Variants in SETX observed in about 807,000 individuals in gnomAD.
SETX encodes helicase senataxin.
In SETX, 90 loss-of-function variants were observed where a neutral mutation model predicts 227.2. The ratio of observed to expected loss-of-function variants is 0.40; its 90% CI spans 0.33 to 0.47. The LOEUF (loss-of-function observed/expected upper bound fraction) is 0.47, where lower values mean the gene tolerates loss of function less well. Ranked by LOEUF, SETX falls within the 20% of genes least tolerant of loss-of-function variation. The pLI is 0.91. For missense variants in SETX, 3,052 were observed against 3,181.5 expected (o/e 0.96, Z 0.98); for synonymous variants, 1,210 against 1,113.2 (o/e 1.09, Z -1.73).
At chr9:132,337,877 A>G (rs895656687) in intron 5 of SETX, among the ~76,000 whole-genome samples, 1 of 152,176 alleles carries the variant, frequency 6.6e-6, no homozygotes, top group African/African-American at 2.4e-5. Context: ...GTATCTAAAC[A>G]ATAGAAATTA....
intron 14 of SETX, among the ~76,000 whole-genome samples, chr9:132,296,350 C>T (rs1422972287): frequency 3.3e-5 from 5 of 152,078 alleles, no homozygotes; most frequent in African/African-American, 9.7e-5. Flanking sequence ...GTCAGGAGCT[C>T]GAGACCAGCC....
chr9:132,319,397 A>T (rs1387683806), intron 10 of SETX, among the ~76,000 whole-genome samples: 1 of 152,222 alleles, frequency 6.6e-6, no homozygotes, highest in South Asian at 2.1e-4. Context: ...TGACCAACCA[A>T]ATAAAAATCT....
chr9:132,332,023 T>C (rs1847268293), intron 7 of SETX, among the ~76,000 whole-genome samples: 1 of 152,234 alleles, frequency 6.6e-6, no homozygotes, highest in Non-Finnish European at 1.5e-5. Context: ...CATCCATCTG[T>C]ATCTCAACAT....
chr9:132,264,505 G>A lies in SETX; in HGVS notation c.7768C>T (p.Pro2590Ser), dbSNP rs1842535596. Residue 2590 changes from proline to serine, a missense_variant, in exon 26 of 26, where the codon CCC becomes TCC. By Grantham distance (74) the Pro-to-Ser change is moderately conservative. Around this residue, in one of 10 missense-constraint regions of SETX, gnomAD observed 294 missense variants for 278.8 expected, o/e 1.05. Coordinates refer to ENST00000224140, the MANE Select transcript of SETX (RefSeq NM_015046.7). ...VHQDLSHIQQPAAVVAALSSH... is the reference protein window; with the variant it reads ...VHQDLSHIQQSAAVVAALSSH... The stretch of plus-strand genomic sequence containing the variant: ...CTCAGAGCAGCCACTACAGCAGCGG[G>A]CTGCTGTATATGGCTCAGGTCCTGG... 3.1e-6 allele frequency: 5 copies of A among 1,613,876 alleles called. No homozygotes were observed. Among genetic ancestry groups the A allele is most frequent in the Non-Finnish European group, 4.2e-6 (5 of 1,179,936 alleles).
At chr9:132,269,737 G>A (rs1288520532) in intron 24 of SETX, 35 bp from the exon 25 acceptor site, 2 of 1,602,824 alleles carry the variant, frequency 1.2e-6, no homozygotes, top group South Asian at 2.2e-5. Context: ...TCTTTGTCTA[G>A]AATGACTTAA....
intron 14 of SETX, 93 bp downstream of exon 14, chr9:132,296,794 T>C: frequency 7.1e-6 from 8 of 1,124,824 alleles, no homozygotes; most frequent in Non-Finnish European, 1.1e-5. Context: ...AAAGAGGAAA[T>C]GGCATGTTAA....
At chr9:132,292,121 C>T (rs1046769128) in intron 15 of SETX, among the ~76,000 whole-genome samples, 3 of 152,046 alleles carry the variant, frequency 2.0e-5, no homozygotes, top group Non-Finnish European at 4.4e-5. Flanking sequence ...GCCTGTGTCA[C>T]ATGTGCATTT....
chr9:132,282,311 T>C (rs1382555496), intron 19 of SETX, among the ~76,000 whole-genome samples: 1 of 151,246 alleles, frequency 6.6e-6, no homozygotes, highest in Non-Finnish European at 1.5e-5. Context: ...TTTTTTTTTT[T>C]TTGAGAGAGA....
Position 132,298,244 on chromosome 9 carries a change from C to T in SETX, c.5617G>A (p.Glu1873Lys), listed in dbSNP as rs775692275. 11 of 1,614,006 alleles carry T rather than the reference C, an allele frequency of 6.8e-6. No homozygotes were observed. The highest frequency in any genetic ancestry group is 1.7e-5 in the Admixed American group (1 of 60,004). The change falls in exon 13 of 26, where the codon GAA (glutamate) becomes AAA (lysine). Residue 1873 changes from glutamate (E) to lysine (K), a missense_variant. By Grantham distance (56) the Glu-to-Lys change is moderately conservative. This residue lies in a region of SETX where 239 missense variants were observed against 272.1 expected (regional missense o/e 0.88). Transcript: ENST00000224140. ...CTGATTACAATACAATTCACAAGTT[C>T]GTTTAAATTGGCCGGAAAGTTCTCT... The part of the protein sequence containing the change: ...TQENFPANLN[E>K]LVNCIVISSL...
In SETX at chr9:132,263,808, C is replaced by CT. The variant is rs1245820302; in HGVS notation, c.*430dup. ...TTGAAAGGACCCGCCCTCCTCCCAT[C>CT]TTTTTTTTTTTGGTAATATAAAGTT... On this transcript the variant is annotated 3_prime_UTR_variant, in exon 26 of 26. Transcript: ENST00000224140. 0.078 allele frequency: 11,277 copies of CT among 143,742 alleles called. 697 individuals are homozygous for CT. Among genetic ancestry groups the CT allele is most frequent in the African/African-American group, 0.23 (7,434 of 32,574 alleles). 8.9% of individuals were successfully genotyped at this position (143,742 alleles called of 1,614,324 possible).
intron 6 of SETX, among the ~76,000 whole-genome samples, chr9:132,335,134 T>C (rs1847510790): frequency 1.3e-5 from 2 of 152,036 alleles, no homozygotes; most frequent in South Asian, 2.1e-4. Flanking sequence ...CTCACACCTG[T>C]AATCCCAGCA....
chr9:132,330,087 G>C lies in SETX; in HGVS notation c.1511C>G (p.Ser504Cys). 6.2e-7 allele frequency: 1 copy of C among 1,614,226 alleles called. No homozygotes were observed. The highest frequency in any genetic ancestry group is 8.5e-7 in the Non-Finnish European group (1 of 1,180,032). ...GGAGCAATTTCCAGATGATTTCTCA[G>C]AACTCCGTGTAAACGCAGTGGTAGG... ...KLPTTAFTRS[S>C]EKSSGNCSKG... is the part of the protein sequence containing the mutation. Residue 504 changes from serine to cysteine, a missense_variant, in exon 10 of 26, where the codon TCT becomes TGT. This residue lies in a region of SETX where 179 missense variants were observed against 197.1 expected (regional missense o/e 0.91). Transcript: ENST00000224140.
chr9:132,343,605 A>AT (rs1199818657), intron 4 of SETX, among the ~76,000 whole-genome samples: 5 of 152,160 alleles, frequency 3.3e-5, no homozygotes, highest in Non-Finnish European at 7.3e-5. Flanking sequence ...GTTTTTTCAT[A>AT]TTACATTTTC....
intron 10 of SETX, among the ~76,000 whole-genome samples, chr9:132,314,274 T>A: frequency 2.6e-5 from 4 of 152,178 alleles, no homozygotes; most frequent in Admixed American, 2.6e-4. Flanking sequence ...GTATTTTTAG[T>A]AGAGACAGAG....
intron 21 of SETX, among the ~76,000 whole-genome samples, chr9:132,277,695 G>A (rs973281143): frequency 2.0e-5 from 3 of 148,650 alleles, no homozygotes; most frequent in African/African-American, 7.4e-5. Flanking sequence ...GAGGCAGGTG[G>A]ATTGATTGAG....
At chr9:132,268,268 A>G (rs1687416051) in intron 25 of SETX, among the ~76,000 whole-genome samples, 1 of 152,248 alleles carries the variant, frequency 6.6e-6, no homozygotes, top group Admixed American at 6.5e-5. Context: ...ATAAAAATCA[A>G]CTTTTTAGGC....
At chr9:132,351,553 C>T (rs188780437) in intron 2 of SETX, among the ~76,000 whole-genome samples, 30 of 152,210 alleles carry the variant, frequency 2.0e-4, no homozygotes, top group Middle Eastern at 6.8e-3. Context: ...GTGTCATGGC[C>T]GCTAGAAGAT....
chr9:132,306,048 C>T (rs1381477440), intron 11 of SETX, among the ~76,000 whole-genome samples: 1 of 152,164 alleles, frequency 6.6e-6, no homozygotes, highest in Non-Finnish European at 1.5e-5. Flanking sequence ...TCCTCCAAAG[C>T]AAATCCAACC....
rs79528472 is a variant in SETX at position 132,275,048 on chromosome 9, G to A, written c.7100+208C>T. On this transcript the variant is annotated intron_variant, in intron 23 of 25. Coordinates refer to ENST00000224140, the MANE Select transcript of SETX (RefSeq NM_015046.7). ...AGTCAATTCCACTGCCAAGGAGAATGTTGACATTCCAACTGCCAGGAAGTA... is the reference window on the plus strand; with the variant it reads ...AGTCAATTCCACTGCCAAGGAGAATATTGACATTCCAACTGCCAGGAAGTA... 7.4e-4 allele frequency: 427 copies of A among 579,650 alleles called. 3 individuals are homozygous for A. Among genetic ancestry groups the A allele is most frequent in the African/African-American group, 5.9e-3 (317 of 53,662 alleles). The allele number at this position is 579,650 out of a possible 1,614,324, so 35.9% of individuals were successfully genotyped here.
Sources: gnomAD v4.1 joint callset for allele counts (sites outside exome capture counted in the v4.1 genomes callset) on GRCh38, gnomAD v4.1.1 for gene constraint, gnomAD v4.1.1 regional missense constraint, MANE v1.5 for transcripts, NCBI Gene and HGNC (gene_info 2026-07-23, HGNC 2026-07-21) for gene names.